The following ADGRL2 variants were observed in gnomAD, a reference collection of about 807,000 sequenced individuals.
The protein encoded by ADGRL2 is calcium-independent alpha-latrotoxin receptor 2.
In ADGRL2, 44 loss-of-function variants were observed where a neutral mutation model predicts 157.4. The ratio of observed to expected loss-of-function variants is 0.28; its 90% CI spans 0.22 to 0.36. The LOEUF (loss-of-function observed/expected upper bound fraction) is 0.36. ADGRL2 is among the 10% of genes least tolerant of loss of function. The pLI, the probability that ADGRL2 is intolerant of heterozygous loss-of-function variation, is 1.00. For missense variants in ADGRL2, 1,510 were observed against 1,768.9 expected (o/e 0.85, Z 2.63); for synonymous variants, 585 against 624.7 (o/e 0.94, Z 0.95).
chr1:81,614,017 T>G (rs1454380990), intron 3 of ADGRL2, among the ~76,000 whole-genome samples: 1 of 152,208 alleles, frequency 6.6e-6, no homozygotes, highest in Non-Finnish European at 1.5e-5. Context: ...CATTATTAAA[T>G]GCGCTAAATA....
At chr1:81,307,210 G>C (rs750447783) in intron 1 of ADGRL2, among the ~76,000 whole-genome samples, 10 of 152,166 alleles carry the variant, frequency 6.6e-5, no homozygotes, top group Non-Finnish European at 1.0e-4. Context: ...GTATAACACT[G>C]TTTGAGATCA....
rs760654266 is a variant in ADGRL2 at position 81,986,923 on chromosome 1, A to G, written c.3531A>G (p.Leu1177=). The change falls in exon 22 of 24, where the codon CTA becomes CTG. Residue 1177 remains leucine, a synonymous_variant. Coordinates refer to ENST00000686636, the MANE Select transcript of ADGRL2 (RefSeq NM_001366006.2). The part of the protein sequence containing the change: ...LNQGMTGNYL[L]TNPLLRPHGT... ...TAGGAATGACTGGCAATTACCTACT[A>G]ACAAACCCTCTTCTTCGACCCCACG... 1 of 1,611,060 alleles carries G rather than the reference A, an allele frequency of 6.2e-7. No individual in the cohort carries two copies.
At chr1:81,958,335 T>TG (rs200622727) in intron 11 of ADGRL2, among the ~76,000 whole-genome samples, 3,862 of 137,214 alleles carry the variant, frequency 0.028, 81 homozygotes, top group Middle Eastern at 0.044. Context: ...ATTTTGGGGG[T>TG]GGGGGGAAGG....
intron 1 of ADGRL2, among the ~76,000 whole-genome samples, chr1:81,425,356 T>C (rs1557679695): frequency 6.6e-6 from 1 of 152,068 alleles, no homozygotes; most frequent in Non-Finnish European, 1.5e-5. Flanking sequence ...GTCTTGTAGC[T>C]AACTGTTACT....
At chr1:81,844,486 T>C (rs1482892244) in intron 2 of ADGRL2, among the ~76,000 whole-genome samples, 1 of 152,234 alleles carries the variant, frequency 6.6e-6, no homozygotes, top group Non-Finnish European at 1.5e-5. Context: ...TTGTAGAACA[T>C]GCTGTGTCTC....
intron 1 of ADGRL2, among the ~76,000 whole-genome samples, chr1:81,821,608 T>C (rs2090994438): frequency 6.6e-6 from 1 of 152,154 alleles, no homozygotes; most frequent in African/African-American, 2.4e-5. Flanking sequence ...CTGAATAATA[T>C]CTATGGTTTA....
chr1:81,484,846 G>T (rs535756396), intron 2 of ADGRL2, among the ~76,000 whole-genome samples: 59 of 151,902 alleles, frequency 3.9e-4, no homozygotes, highest in Non-Finnish European at 6.9e-4. Flanking sequence ...CATACCTCAG[G>T]TACCCTTCCC....
intron 2 of ADGRL2, among the ~76,000 whole-genome samples, chr1:81,892,932 A>G (rs1004474920): frequency 3.9e-5 from 6 of 152,134 alleles, no homozygotes; most frequent in Non-Finnish European, 8.8e-5. Flanking sequence ...ACATTTGAGT[A>G]TTTACTTTAT....
At chr1:81,797,922 A>G (rs921065922), upstream of ADGRL2, among the ~76,000 whole-genome samples, 10 of 152,192 alleles carry the variant, frequency 6.6e-5, no homozygotes, top group African/African-American at 2.2e-4. Flanking sequence ...GAGTGGTTAT[A>G]TGTTGATTTA....
At chr1:81,742,303 T>C (rs1203503824) in intron 1 of ADGRL2, among the ~76,000 whole-genome samples, 2 of 152,036 alleles carry the variant, frequency 1.3e-5, no homozygotes, top group African/African-American at 2.4e-5. Context: ...ACAACTTCAC[T>C]CATTAAAGGT....
intron 1 of ADGRL2, among the ~76,000 whole-genome samples, chr1:81,320,067 C>A (rs574712890): frequency 6.6e-6 from 1 of 152,114 alleles, no homozygotes; most frequent in Non-Finnish European, 1.5e-5. Flanking sequence ...CATAATATTC[C>A]AAATCCTTTG....
chr1:81,388,027 T>G (rs2101094884), intron 1 of ADGRL2, among the ~76,000 whole-genome samples: 1 of 152,300 alleles, frequency 6.6e-6, no homozygotes, highest in East Asian at 1.9e-4. Context: ...TTTCTGAAGT[T>G]TTCTAAAAAC....
At chr1:81,930,065 C>T (rs2095194599) in intron 3 of ADGRL2, among the ~76,000 whole-genome samples, 1 of 152,148 alleles carries the variant, frequency 6.6e-6, no homozygotes, top group African/African-American at 2.4e-5. Flanking sequence ...CTTTTAAACA[C>T]TAATCTTCCC....
intron 1 of ADGRL2, among the ~76,000 whole-genome samples, chr1:81,316,823 C>A (rs919083980): frequency 1.3e-5 from 2 of 152,262 alleles, no homozygotes; most frequent in Non-Finnish European, 1.5e-5. Flanking sequence ...AAGAAGCAAT[C>A]TCTGAATTGT....
intron 1 of ADGRL2, among the ~76,000 whole-genome samples, chr1:81,392,806 C>T (rs1042032726): frequency 6.6e-6 from 1 of 151,978 alleles, no homozygotes; most frequent in African/African-American, 2.4e-5. Context: ...TTTATAAAGT[C>T]ACTCATCTAG....
chr1:81,551,208 G>A (rs2080137455), intron 2 of ADGRL2, among the ~76,000 whole-genome samples: 1 of 152,114 alleles, frequency 6.6e-6, no homozygotes, highest in Non-Finnish European at 1.5e-5. Flanking sequence ...TAGGAAATGG[G>A]GCACACAGTA....
chr1:81,971,048 TA>T (rs748677003), intron 16 of ADGRL2, among the ~76,000 whole-genome samples: 153 of 152,258 alleles, frequency 1.0e-3, no homozygotes, highest in Admixed American at 3.1e-3. Flanking sequence ...AAAGTATAGA[TA>T]TTTACAGAAA....
intron 1 of ADGRL2, among the ~76,000 whole-genome samples, chr1:81,823,035 CTTTAATA>C (rs1468169220): frequency 6.6e-6 from 1 of 151,594 alleles, no homozygotes; most frequent in East Asian, 1.9e-4. Flanking sequence ...GATTGACACT[CTTTAATA>C]TTTAAGTGTT....
intron 2 of ADGRL2, among the ~76,000 whole-genome samples, chr1:81,870,132 T>C (rs564295806): frequency 6.6e-6 from 1 of 152,104 alleles, no homozygotes; most frequent in Admixed American, 6.6e-5. Context: ...TTCATGAGAG[T>C]TTTTACAAAA....
Sources: allele counts gnomAD v4.1 joint callset (sites outside exome capture counted in the v4.1 genomes callset), GRCh38; gene constraint gnomAD v4.1.1; transcripts MANE v1.5; gene names NCBI Gene and HGNC (gene_info 2026-07-23, HGNC 2026-07-21).